Variants in MACF1 observed in about 807,000 individuals in gnomAD.
The protein encoded by MACF1 is microtubule-actin cross-linking factor 1.
MACF1 carries 193 observed loss-of-function variants against 854.8 expected under a neutral mutation model. That is an observed-to-expected ratio of 0.23 (90% CI 0.20 to 0.25). The LOEUF is 0.25. MACF1 is among the 10% of genes least tolerant of loss of function. The pLI is 1.00. For synonymous variants in MACF1, 3,185 were observed against 3,226.7 expected (o/e 0.99, Z 0.44); for missense variants, 7,722 against 8,929.1 (o/e 0.86, Z 5.45).
At position 39,372,136 on chromosome 1, in the gene MACF1, C is replaced by G. The variant is rs1026959073; in HGVS notation, c.13096-343C>G. Among the ~76,000 whole-genome samples, 6 of 152,212 alleles carry G rather than the reference C, an allele frequency of 3.9e-5. No homozygotes were observed. The South Asian group carries it at 1.2e-3, about 32-fold the overall frequency. ...GCCCAGCCATTATCTTAATTCAGAG[C>G]TTTCCTTCCTCTAGGCAGAATTAGA... On this transcript the variant is annotated intron_variant, in intron 51 of 100. Coordinates refer to ENST00000564288, the MANE Select transcript of MACF1 (RefSeq NM_001394062.1).
At chr1:39,288,759 T>G (rs909114994) in intron 15 of MACF1, among the ~76,000 whole-genome samples, 1 of 152,136 alleles carries the variant, frequency 6.6e-6, no homozygotes, top group African/African-American at 2.4e-5. Context: ...ACCACTGCGC[T>G]CCAGCCTGGG....
At position 39,485,837 on chromosome 1, in the gene MACF1, G is replaced by C. The variant is rs1481880234; in HGVS notation, c.*43G>C. 10 of 1,522,688 alleles carry C rather than the reference G, an allele frequency of 6.6e-6. No individual in the cohort carries two copies. Among genetic ancestry groups the C allele is most frequent in the Non-Finnish European group, 8.8e-6 (10 of 1,134,088 alleles). The allele number at this position is 1,522,688 out of a possible 1,614,324, so 94.3% of individuals were successfully genotyped here. On this transcript the variant is annotated 3_prime_UTR_variant, in exon 101 of 101. Coordinates refer to ENST00000564288, the MANE Select transcript of MACF1 (RefSeq NM_001394062.1). ...CAAGCCACTATCCACTTTGAATCCTGCTCCATACATTGGGTGTATATTTAT... is the reference window on the plus strand; with the variant it reads ...CAAGCCACTATCCACTTTGAATCCTCCTCCATACATTGGGTGTATATTTAT...
intron 58 of MACF1, chr1:39,411,759 C>T: frequency 1.2e-6 from 2 of 1,613,552 alleles, no homozygotes; most frequent in South Asian, 1.1e-5. Flanking sequence ...TGGCTGCATC[C>T]CAGGATGCAG....
In MACF1 at chr1:39,288,487, G is replaced by A. The variant is rs1390114228; in HGVS notation, c.1785+925G>A. Among the ~76,000 whole-genome samples, 3 of 143,638 alleles carry A rather than the reference G, an allele frequency of 2.1e-5. No individual in the cohort carries two copies. In the East Asian group the frequency reaches 6.2e-4, roughly 30 times the overall value. The allele number at this position is 143,638 out of a possible 152,430, so 94.2% of individuals were successfully genotyped here. A position where few individuals can be genotyped will look rare whatever the true frequency, so the allele number is the denominator to read the frequency against. ...CACTCCAGCCTGGGAGATAGAGTGAGACTCCATCTAAAAAAAAAAAAAAAA... is the reference window on the plus strand; with the variant it reads ...CACTCCAGCCTGGGAGATAGAGTGAAACTCCATCTAAAAAAAAAAAAAAAA... On this transcript the variant is annotated intron_variant, in intron 15 of 100. Coordinates refer to ENST00000564288, the MANE Select transcript of MACF1 (RefSeq NM_001394062.1).
chr1:39,416,639 T>C (rs559538817), intron 58 of MACF1, among the ~76,000 whole-genome samples: 2 of 152,364 alleles, frequency 1.3e-5, no homozygotes, highest in South Asian at 4.1e-4. Context: ...GGAATCCTTG[T>C]TTCCTCATCT....
At chr1:39,406,756 A>AAAAAACAAC (rs746955922) in intron 58 of MACF1, among the ~76,000 whole-genome samples, 1 of 116,058 alleles carries the variant, frequency 8.6e-6, no homozygotes, top group Non-Finnish European at 1.7e-5. Context: ...AAAAAAAAAA[A>AAAAAACAAC]AACATTCTTT....
intron 6 of MACF1, among the ~76,000 whole-genome samples, chr1:39,280,977 T>C (rs1645532481): frequency 6.6e-6 from 1 of 152,186 alleles, no homozygotes; most frequent in Non-Finnish European, 1.5e-5. Flanking sequence ...AAGGAAGAGA[T>C]AAGGGAACCC....
At chr1:39,321,464 G>A (rs1203539213) in intron 31 of MACF1, among the ~76,000 whole-genome samples, 1 of 152,110 alleles carries the variant, frequency 6.6e-6, no homozygotes, top group Non-Finnish European at 1.5e-5. Flanking sequence ...TCTACCCGGA[G>A]TTTTTTTAAG....
chr1:39,403,422 A>G (rs910955080), intron 58 of MACF1, among the ~76,000 whole-genome samples: 1 of 152,172 alleles, frequency 6.6e-6, no homozygotes, highest in African/African-American at 2.4e-5. Context: ...CTATCCCAGC[A>G]TTGAATCTTT....
rs778309493 is a variant in MACF1, at chr1:39,388,564, A to G, written c.15722A>G (p.Asn5241Ser). 13 of 1,614,168 alleles carry G rather than the reference A, an allele frequency of 8.1e-6. No homozygotes were observed. Among genetic ancestry groups the G allele is most frequent in the Middle Eastern group, 1.7e-4 (1 of 6,060 alleles). ...TTCTACAGGAAATTGAAAGGACTCAATGACGCGACCACAGCAGCAGAGGAG... is the reference window on the plus strand; with the variant it reads ...TTCTACAGGAAATTGAAAGGACTCAGTGACGCGACCACAGCAGCAGAGGAG... ...EDFYRKLKGLNDATTAAEEAE... is the reference protein window; with the variant it reads ...EDFYRKLKGLSDATTAAEEAE... The change falls in exon 58 of 101, where the codon AAT becomes AGT. Residue 5241 changes from asparagine (N) to serine (S), a missense_variant. Transcript: ENST00000564288.
At chr1:39,137,163 A>G (rs1001613404) in intron 2 of MACF1, among the ~76,000 whole-genome samples, 2 of 152,170 alleles carry the variant, frequency 1.3e-5, no homozygotes, top group Non-Finnish European at 2.9e-5. Context: ...ACCACCTCCC[A>G]GGTTCAAGAG....
Position 39,331,430 on chromosome 1 carries a change from G to C in MACF1, c.4842G>C (p.Glu1614Asp), listed in dbSNP as rs756709377. 3.7e-6 allele frequency: 6 copies of C among 1,614,114 alleles called. No homozygotes were observed. In the South Asian group the frequency reaches 6.6e-5, roughly 18 times the overall value. Residue 1614 changes from glutamate to aspartate, a missense_variant, in exon 37 of 101, where the codon GAG (glutamate) becomes GAC (aspartate). Around this residue, in one of 15 missense-constraint regions of MACF1, gnomAD observed 1,531 missense variants for 1,601.6 expected, o/e 0.96. Transcript: ENST00000564288. ...INPQMYQQLR[E>D]LQDALALISR... ...CCCAGATGTACCAGCAGCTCCGGGAGCTACAGGATGCCCTGGCCTTAATAA... is the reference window on the plus strand; with the variant it reads ...CCCAGATGTACCAGCAGCTCCGGGACCTACAGGATGCCCTGGCCTTAATAA...
rs572653205 is a variant in MACF1, at chr1:39,177,311, G to A, written c.221-53871G>A. Among the ~76,000 whole-genome samples the A allele has an allele frequency of 3.2e-4, 49 of 152,214 alleles. 1 individual carries two copies. The highest frequency in any genetic ancestry group is 3.4e-3 in the Middle Eastern group (1 of 294). Reference sequence around the variant, plus strand: ...CTAATTTTGTATTTTTAGTAGAGACGGAGTTTCTCCGTGTTGGTCAGGCCG... The same window carrying A: ...CTAATTTTGTATTTTTAGTAGAGACAGAGTTTCTCCGTGTTGGTCAGGCCG... On this transcript the variant is annotated intron_variant, in intron 2 of 93. Transcript: ENST00000361689.
chr1:39,202,166 C>T (rs1424098130), upstream of MACF1, among the ~76,000 whole-genome samples: 1 of 148,800 alleles, frequency 6.7e-6, no homozygotes, highest in African/African-American at 2.5e-5. Context: ...TGGGGTTTCA[C>T]GGTGTTAGCC....
At chr1:39,135,648 T>C (rs1643147276) in intron 2 of MACF1, among the ~76,000 whole-genome samples, 1 of 152,174 alleles carries the variant, frequency 6.6e-6, no homozygotes, top group Admixed American at 6.5e-5. Flanking sequence ...GTTGACTTTG[T>C]CTCTCTGGGT....
chr1:39,474,281 C>T (rs567260518), intron 97 of MACF1, among the ~76,000 whole-genome samples: 6 of 152,006 alleles, frequency 3.9e-5, no homozygotes, highest in African/African-American at 1.4e-4. Context: ...CCCAGCTACT[C>T]GAGAGGCTGA....
intron 68 of MACF1, among the ~76,000 whole-genome samples, chr1:39,433,984 G>T (rs1643919550): frequency 6.6e-6 from 1 of 152,134 alleles, no homozygotes; most frequent in African/African-American, 2.4e-5. Flanking sequence ...GGAAGCTGAG[G>T]CAGGAGAATC....
chr1:39,111,735 T>C (rs1281035682), intron 2 of MACF1, among the ~76,000 whole-genome samples: 2 of 152,170 alleles, frequency 1.3e-5, no homozygotes. Flanking sequence ...TAGGCTAGTC[T>C]CGAACTAGCT....
chr1:39,421,838 G>T (rs1249910966), intron 58 of MACF1, among the ~76,000 whole-genome samples: 1 of 152,198 alleles, frequency 6.6e-6, no homozygotes, highest in Admixed American at 6.5e-5. Context: ...GCTTTGGGAG[G>T]CCGAGGAGGG....
Sources: gnomAD v4.1 joint callset for allele counts (sites outside exome capture counted in the v4.1 genomes callset) on GRCh38, gnomAD v4.1.1 for gene constraint, gnomAD v4.1.1 regional missense constraint, MANE v1.5 for transcripts, NCBI Gene and HGNC (gene_info 2026-07-23, HGNC 2026-07-21) for gene names.